Variants in MICAL2 observed in about 807,000 individuals in gnomAD.
The protein encoded by MICAL2 is microtubule associated monooxygenase, calponin and LIM domain containing 2, also known as [F-actin]-monooxygenase MICAL2.
MICAL2 carries 77 observed loss-of-function variants against 127.3 expected under a neutral mutation model. The observed-to-expected ratio is 0.60, with a 90% CI of 0.50 to 0.73. The LOEUF is 0.73. Ranked by LOEUF, MICAL2 falls within the 30% of genes least tolerant of loss-of-function variation. The pLI, the probability that MICAL2 is intolerant of heterozygous loss-of-function variation, is 0.00. For synonymous variants in MICAL2, 570 were observed against 551.1 expected (o/e 1.03, Z -0.48); for missense variants, 1,351 against 1,434.4 (o/e 0.94, Z 0.94).
intron 32 of MICAL2, among the ~76,000 whole-genome samples, chr11:12,342,178 G>A (rs1441356659): frequency 2.0e-5 from 3 of 152,234 alleles, no homozygotes; most frequent in African/African-American, 7.2e-5. Flanking sequence ...CTATTCACAG[G>A]CAGAGGCTGC....
intron 19 of MICAL2, 32 bp downstream of exon 19, chr11:12,242,464 C>G (rs760961777): frequency 6.4e-7 from 1 of 1,574,762 alleles, no homozygotes; most frequent in Admixed American, 1.8e-5. Context: ...CGTCTCTGTC[C>G]GTGTCTGGGT....
chr11:12,167,899 G>T (rs1227028403), intron 3 of MICAL2, among the ~76,000 whole-genome samples: 1 of 152,134 alleles, frequency 6.6e-6, no homozygotes, highest in Non-Finnish European at 1.5e-5. Context: ...ATGTCATATG[G>T]AGAAGAAAAA....
chr11:12,140,045 C>T (rs10765928), intron 2 of MICAL2, among the ~76,000 whole-genome samples: 1 of 151,888 alleles, frequency 6.6e-6, no homozygotes, highest in East Asian at 1.9e-4. Context: ...AGGACTGGGA[C>T]TGACTGCCAG....
intron 1 of MICAL2, among the ~76,000 whole-genome samples, chr11:12,136,542 AG>A (rs957481716): frequency 2.0e-5 from 3 of 152,056 alleles, no homozygotes; most frequent in African/African-American, 4.8e-5. Flanking sequence ...GGGTACCTGG[AG>A]GGGGGCAGCT....
intron 31 of MICAL2, among the ~76,000 whole-genome samples, chr11:12,324,765 T>C (rs1476444726): frequency 6.6e-6 from 1 of 152,240 alleles, no homozygotes; most frequent in Non-Finnish European, 1.5e-5. Context: ...CTAATAATCC[T>C]ATACACTATT....
intron 3 of MICAL2, among the ~76,000 whole-genome samples, chr11:12,200,701 C>A (rs1225755805): frequency 6.6e-6 from 1 of 152,190 alleles, no homozygotes; most frequent in Non-Finnish European, 1.5e-5. Context: ...TGTACTGGGG[C>A]CCAGGATGGT....
chr11:12,152,717 G>A (rs1385263331), intron 2 of MICAL2, among the ~76,000 whole-genome samples: 1 of 152,120 alleles, frequency 6.6e-6, no homozygotes, highest in East Asian at 1.9e-4. Context: ...ATGAGATTTG[G>A]AAAGAATGAG....
exon 30 of MICAL2, chr11:12,319,714 T>C (rs1383950456): frequency 6.2e-7 from 1 of 1,613,782 alleles, no homozygotes; most frequent in Non-Finnish European, 8.5e-7. Context: ...AACTTTCCCC[T>C]CAGAGCACAG....
chr11:12,148,671 G>C (rs1853227413), intron 2 of MICAL2, among the ~76,000 whole-genome samples: 1 of 152,240 alleles, frequency 6.6e-6, no homozygotes, highest in South Asian at 2.1e-4. Flanking sequence ...CATTGTCAGA[G>C]GCATGGGCAC....
chr11:12,280,862 C>T (rs370061417), intron 1 of MICAL2: 26 of 398,444 alleles, frequency 6.5e-5, no homozygotes, highest in Middle Eastern at 1.3e-3. Flanking sequence ...CTGGGCAGGA[C>T]GCAGTGTGGG....
intron 6 of MICAL2, among the ~76,000 whole-genome samples, chr11:12,212,532 A>G (rs1855613185): frequency 6.6e-6 from 1 of 151,860 alleles, no homozygotes; most frequent in Admixed American, 6.5e-5. Context: ...CCATTTATTC[A>G]TTTATACATG....
At chr11:12,327,610 A>G (rs1864369326) in intron 32 of MICAL2, among the ~76,000 whole-genome samples, 1 of 152,084 alleles carries the variant, frequency 6.6e-6, no homozygotes, top group African/African-American at 2.4e-5. Flanking sequence ...GGAGAAATAT[A>G]TGGGTATTGG....
intron 13 of MICAL2, 62 bp downstream of exon 13, chr11:12,224,882 G>A: frequency 6.5e-7 from 1 of 1,543,776 alleles, no homozygotes; most frequent in Non-Finnish European, 8.8e-7. Flanking sequence ...TCTGCTGCAT[G>A]CAGAATCTTC....
At chr11:12,132,311 T>C (rs1271832422) in intron 1 of MICAL2, among the ~76,000 whole-genome samples, 2 of 152,166 alleles carry the variant, frequency 1.3e-5, no homozygotes, top group East Asian at 1.9e-4. Flanking sequence ...CTCTTTCAGA[T>C]TTCTATCTGG....
chr11:12,133,914 A>T (rs1387074271), intron 1 of MICAL2, among the ~76,000 whole-genome samples: 1 of 152,210 alleles, frequency 6.6e-6, no homozygotes. Context: ...CATTGCCATC[A>T]CCTCTGAGGG....
chr11:12,225,514 C>G (rs1857307158), intron 13 of MICAL2: 1 of 151,688 alleles, frequency 6.6e-6, no homozygotes, highest in African/African-American at 2.4e-5. Flanking sequence ...AAGCTGGAGT[C>G]TCTTGCTCTG....
At position 12,209,501 on chromosome 11, in the gene MICAL2, T is replaced by C; in HGVS notation, c.594T>C (p.Ile198=). ...EPPEDQENQK[I]GWRAEFLPTD... ...CTCATTTCTCTGTCCTGGTAGAAAT[T>C]GGCTGGCGGGCAGAATTTCTCCCTA... The change falls in exon 6 of 28, where the codon ATT becomes ATC. Residue 198 remains isoleucine (I), a synonymous_variant. Transcript: ENST00000683283. The C allele has an allele frequency of 6.2e-7, 1 of 1,613,264 alleles. No homozygotes were observed. The highest frequency in any genetic ancestry group is 1.1e-5 in the South Asian group (1 of 91,070).
At chr11:12,170,949 C>G (rs1217461532) in intron 3 of MICAL2, among the ~76,000 whole-genome samples, 1 of 152,264 alleles carries the variant, frequency 6.6e-6, no homozygotes, top group Non-Finnish European at 1.5e-5. Context: ...AACTCTGTGG[C>G]TCAAAGGGCT....
At chr11:12,293,495 G>T, downstream of MICAL2, 1 of 1,505,784 alleles carries the variant, frequency 6.6e-7, no homozygotes, top group African/African-American at 1.4e-5. Flanking sequence ...ATTGAGATTT[G>T]CTTTCATCAT....
Sources: gnomAD v4.1 joint callset for allele counts (sites outside exome capture counted in the v4.1 genomes callset) on GRCh38, gnomAD v4.1.1 for gene constraint, MANE v1.5 for transcripts, NCBI Gene and HGNC (gene_info 2026-07-23, HGNC 2026-07-21) for gene names.